The following BCAS3 variants were observed in gnomAD, a reference collection of about 807,000 sequenced individuals.
BCAS3 encodes BCAS4/BCAS3 fusion.
In BCAS3, 53 loss-of-function variants were observed where a neutral mutation model predicts 116.1. That is an observed-to-expected ratio of 0.46 (90% CI 0.37 to 0.57). BCAS3 has a LOEUF of 0.57. Among genes scored for constraint, BCAS3 ranks in the 20% least tolerant of loss-of-function variants. The pLI is 0.00. For synonymous variants in BCAS3, 391 were observed against 408.2 expected (o/e 0.96, Z 0.51); for missense variants, 917 against 1,165.4 (o/e 0.79, Z 3.10).
chr17:60,966,366 T>A (rs1408909886), intron 14 of BCAS3, among the ~76,000 whole-genome samples: 1 of 152,214 alleles, frequency 6.6e-6, no homozygotes, highest in South Asian at 2.1e-4. Context: ...ACTGCCATTC[T>A]TTTGCTAGTT....
chr17:61,203,033 G>A lies in BCAS3; in HGVS notation c.2425+118469G>A, dbSNP rs1182786189. 1.3e-5 allele frequency among the ~76,000 whole-genome samples: 2 copies of A among 152,058 alleles called. No homozygotes were observed. Among genetic ancestry groups the A allele is most frequent in the Non-Finnish European group, 2.9e-5 (2 of 67,998 alleles). ...TAAATTTTGTGTGGTTGCTGAAGAA[G>A]TTTACTGTGCACTAGCTCTCTCTTC... On this transcript the variant is annotated intron_variant, in intron 22 of 23. Coordinates refer to ENST00000407086, the MANE Select transcript of BCAS3 (RefSeq NM_017679.5). This position sits in a 1 kb window ranked among gnomAD's most constrained non-coding sequence, Gnocchi z 5.7.
At chr17:60,869,520 C>T (rs1384992468) in intron 8 of BCAS3, among the ~76,000 whole-genome samples, 5 of 152,074 alleles carry the variant, frequency 3.3e-5, no homozygotes, top group South Asian at 4.1e-4. Flanking sequence ...TGTTTTGAAA[C>T]GTGACTCAGT....
intron 22 of BCAS3, among the ~76,000 whole-genome samples, chr17:61,298,653 G>A (rs755726699): frequency 7.9e-5 from 12 of 152,090 alleles, no homozygotes; most frequent in Non-Finnish European, 1.2e-4. Context: ...AAGGGAGCCA[G>A]AATCCAAGCC....
At chr17:60,710,431 A>ATTT (rs529286931) in intron 5 of BCAS3, among the ~76,000 whole-genome samples, 2 of 135,460 alleles carry the variant, frequency 1.5e-5, no homozygotes, top group Admixed American at 7.5e-5. Context: ...ATTCTTTAAC[A>ATTT]TTTTTTTTTT....
intron 6 of BCAS3, among the ~76,000 whole-genome samples, chr17:60,793,125 T>C (rs2046918167): frequency 6.6e-6 from 1 of 152,138 alleles, no homozygotes; most frequent in African/African-American, 2.4e-5. Context: ...TTAGATGGAG[T>C]CTCACTCTGT....
chr17:61,195,670 C>T (rs1010215649), intron 22 of BCAS3, among the ~76,000 whole-genome samples: 4 of 152,032 alleles, frequency 2.6e-5, no homozygotes, highest in Non-Finnish European at 1.5e-5. Flanking sequence ...TGAGCCACCG[C>T]ACCCGGCCCC....
At chr17:61,257,830 G>A (rs1022488668) in intron 22 of BCAS3, among the ~76,000 whole-genome samples, 21 of 152,174 alleles carry the variant, frequency 1.4e-4, no homozygotes, top group African/African-American at 4.8e-4. Context: ...AGTATTAAAT[G>A]CAGTGACACA....
At chr17:61,070,857 A>G (rs2071359855) in intron 19 of BCAS3, among the ~76,000 whole-genome samples, 1 of 152,170 alleles carries the variant, frequency 6.6e-6, no homozygotes, top group East Asian at 1.9e-4. Context: ...TTTGTATGAA[A>G]GTTGTGTGAC....
rs1311629521 is a variant in BCAS3, at chr17:61,181,334, G to T, written c.2425+96770G>T. On this transcript the variant is annotated intron_variant, in intron 22 of 23. Coordinates refer to ENST00000407086, the MANE Select transcript of BCAS3 (RefSeq NM_017679.5). This position sits in a 1 kb window ranked among gnomAD's most constrained non-coding sequence, Gnocchi z 5.0. The stretch of plus-strand genomic sequence containing the variant: ...GACCTACTGGTAGTGGTTAAATGTA[G>T]GATTTTAATCAGATCAGAGCAAAGT... 6.6e-6 allele frequency among the ~76,000 whole-genome samples: 1 copy of T among 152,170 alleles called. No homozygotes were observed. The highest frequency in any genetic ancestry group is 2.4e-5 in the African/African-American group (1 of 41,440).
In BCAS3 at chr17:61,088,367, T is replaced by C. The variant is rs542942345; in HGVS notation, c.2425+3803T>C. ...GGATTTGGGGCAGTTGCTCACTTTT[T>C]CCCATATCCAGCTGATGAACAACAA... On this transcript the variant is annotated intron_variant, in intron 22 of 23. Coordinates refer to ENST00000407086, the MANE Select transcript of BCAS3 (RefSeq NM_017679.5). This position sits in a 1 kb window ranked among gnomAD's most constrained non-coding sequence, Gnocchi z 4.2. Among the ~76,000 whole-genome samples, 1 of 152,334 alleles carries C rather than the reference T, an allele frequency of 6.6e-6. No individual in the cohort carries two copies. The highest frequency in any genetic ancestry group is 1.5e-5 in the Non-Finnish European group (1 of 68,020).
At chr17:60,918,398 A>T (rs1447169265) in intron 12 of BCAS3, among the ~76,000 whole-genome samples, 1 of 152,192 alleles carries the variant, frequency 6.6e-6, no homozygotes, top group South Asian at 2.1e-4. Flanking sequence ...CAGGGTATTT[A>T]GGATATATAT....
chr17:61,376,848 A>G lies in BCAS3; in HGVS notation c.2593+8354A>G, dbSNP rs935415926. Among the ~76,000 whole-genome samples, 4 of 152,146 alleles carry G rather than the reference A, an allele frequency of 2.6e-5. No individual in the cohort carries two copies. Among genetic ancestry groups the G allele is most frequent in the Admixed American group, 6.5e-5 (1 of 15,282 alleles). ...GAGTTTTCCTCCTTCTACAGCATCT[A>G]CAAAAGTTCTCTCAGTGTCTTCTCT... On this transcript the variant is annotated intron_variant, in intron 23 of 23. Coordinates refer to ENST00000407086, the MANE Select transcript of BCAS3 (RefSeq NM_017679.5). This position sits in a 1 kb window ranked among gnomAD's most constrained non-coding sequence, Gnocchi z 4.5.
In BCAS3 at chr17:61,214,978, A is replaced by G. The variant is rs1038846291; in HGVS notation, c.2425+130414A>G. On this transcript the variant is annotated intron_variant, in intron 22 of 23. Transcript: ENST00000407086. This position sits in a 1 kb window ranked among gnomAD's most constrained non-coding sequence, Gnocchi z 4.4. ...CTCAAGAAAAAGAAATACAGCCTCT[A>G]TATACCTCTTACACCCACTAGATAG... 6.6e-6 allele frequency among the ~76,000 whole-genome samples: 1 copy of G among 152,204 alleles called. No homozygotes were observed. The highest frequency in any genetic ancestry group is 2.4e-5 in the African/African-American group (1 of 41,456).
intron 8 of BCAS3, among the ~76,000 whole-genome samples, chr17:60,871,692 T>C (rs1242541486): frequency 6.6e-6 from 1 of 151,938 alleles, no homozygotes; most frequent in Non-Finnish European, 1.5e-5. Context: ...ATTTGTTAAA[T>C]TGGATGATTT....
intron 18 of BCAS3, among the ~76,000 whole-genome samples, chr17:61,039,835 T>G (rs933424057): frequency 6.6e-6 from 1 of 152,186 alleles, no homozygotes; most frequent in African/African-American, 2.4e-5. Flanking sequence ...CTTCCTCTAT[T>G]TGCAATCTCA....
intron 9 of BCAS3, among the ~76,000 whole-genome samples, chr17:60,882,702 C>G (rs1320400365): frequency 3.4e-5 from 5 of 147,942 alleles, no homozygotes; most frequent in Non-Finnish European, 6.0e-5. Flanking sequence ...ATAGGGAATC[C>G]TTTCCCCATT....
chr17:61,029,719 T>G lies in BCAS3; in HGVS notation c.1638-4947T>G, dbSNP rs1250506893. On this transcript the variant is annotated intron_variant, in intron 16 of 23. Coordinates refer to ENST00000407086, the MANE Select transcript of BCAS3 (RefSeq NM_017679.5). This position sits in a 1 kb window ranked among gnomAD's most constrained non-coding sequence, Gnocchi z 5.2. ...ATTTCTTCCTCATAAAATGTTTTCA[T>G]ATTATATAAGGGTAAATTTTAAAGA... 6.6e-6 allele frequency among the ~76,000 whole-genome samples: 1 copy of G among 152,012 alleles called. No individual in the cohort carries two copies. Among genetic ancestry groups the G allele is most frequent in the East Asian group, 1.9e-4 (1 of 5,194 alleles).
rs2060080644 is a variant in BCAS3, at chr17:61,390,526, C to G, written c.2594-1451C>G. On this transcript the variant is annotated intron_variant, in intron 23 of 23. Transcript: ENST00000407086. The surrounding 1 kb of genome is among the most constrained non-coding windows in gnomAD (Gnocchi z 6.8). Reference sequence around the variant, plus strand: ...TCCCAGTGAACTGTCCCACCGAGACCCCGGCGACAGACTCGGCTGATGGAT... The same window carrying G: ...TCCCAGTGAACTGTCCCACCGAGACGCCGGCGACAGACTCGGCTGATGGAT... The G allele has an allele frequency of 6.6e-6, 1 of 152,174 alleles. No individual in the cohort carries two copies. Among genetic ancestry groups the G allele is most frequent in the Non-Finnish European group, 1.5e-5 (1 of 68,068 alleles). The allele number at this position is 152,174 out of a possible 1,614,324, so 9.4% of individuals were successfully genotyped here. A position where few individuals can be genotyped will look rare whatever the true frequency, so the allele number is the denominator to read the frequency against.
chr17:61,308,468 A>G (rs142482160), intron 22 of BCAS3, among the ~76,000 whole-genome samples: 196 of 150,556 alleles, frequency 1.3e-3, no homozygotes, highest in African/African-American at 4.4e-3. Context: ...ATTTGGAGGA[A>G]TTTCTCTAAA....
Sources: gnomAD v4.1 joint callset for allele counts (sites outside exome capture counted in the v4.1 genomes callset) on GRCh38, gnomAD v4.1.1 for gene constraint, Gnocchi (gnomAD v3.1) non-coding constraint, MANE v1.5 for transcripts, NCBI Gene and HGNC (gene_info 2026-07-23, HGNC 2026-07-21) for gene names.